The following UBE2F variants were observed in gnomAD, a reference collection of about 807,000 sequenced individuals.
UBE2F encodes NEDD8-conjugating enzyme UBE2F.
In UBE2F, 5 loss-of-function variants were observed where a neutral mutation model predicts 29.6. That is an observed-to-expected ratio of 0.17 (90% CI 0.09 to 0.36). UBE2F has a LOEUF of 0.36. Ranked by LOEUF, UBE2F falls within the 10% of genes least tolerant of loss-of-function variation. The pLI is 1.00. For synonymous variants in UBE2F, 66 were observed against 81.8 expected (o/e 0.81, Z 1.04); for missense variants, 141 against 228.5 (o/e 0.62, Z 2.47).
At chr2:237,990,221 G>A (rs80351960) in intron 3 of UBE2F, among the ~76,000 whole-genome samples, 1 of 150,042 alleles carries the variant, frequency 6.7e-6, no homozygotes, top group Non-Finnish European at 1.5e-5. Context: ...AAATAACTGT[G>A]GGGGGGCAGG....
intron 4 of UBE2F, among the ~76,000 whole-genome samples, chr2:237,998,755 T>A (rs2063735608): frequency 1.3e-5 from 2 of 152,180 alleles, no homozygotes; most frequent in African/African-American, 4.8e-5. Flanking sequence ...TGCCATACCC[T>A]GACCAGCACT....
intron 4 of UBE2F, among the ~76,000 whole-genome samples, chr2:237,999,114 G>T (rs1016263052): frequency 1.3e-5 from 2 of 151,384 alleles, no homozygotes; most frequent in Admixed American, 1.3e-4. Context: ...ACAGAGTCTC[G>T]CTCTGTCACC....
chr2:237,973,635 C>T (rs2063216715), intron 2 of UBE2F: 1 of 1,290,410 alleles, frequency 7.7e-7, no homozygotes, highest in Non-Finnish European at 1.0e-6. Flanking sequence ...AGGATCTTTT[C>T]CTGTTTTATT....
intron 1 of UBE2F, among the ~76,000 whole-genome samples, chr2:237,971,573 C>T (rs1407318122): frequency 1.3e-5 from 2 of 152,192 alleles, no homozygotes; most frequent in Admixed American, 6.5e-5. Flanking sequence ...CCACCTGTCT[C>T]GTTCCCCTAA....
chr2:237,983,620 G>C (rs895912663), intron 2 of UBE2F, among the ~76,000 whole-genome samples: 1 of 152,064 alleles, frequency 6.6e-6, no homozygotes, highest in Non-Finnish European at 1.5e-5. Context: ...GGCCTCCATT[G>C]CCCCTTCCCG....
chr2:237,973,022 C>T, intron 1 of UBE2F, 70 bp from the exon 2 acceptor site: 1 of 1,484,322 alleles, frequency 6.7e-7, no homozygotes, highest in Non-Finnish European at 9.0e-7. Flanking sequence ...AGCACTTATA[C>T]ATTTTTCTCA....
chr2:238,019,431 G>A (rs576190519), intron 5 of UBE2F, among the ~76,000 whole-genome samples: 3 of 151,898 alleles, frequency 2.0e-5, no homozygotes, highest in South Asian at 4.2e-4. Context: ...AGGCTAGCAC[G>A]ATTTCAGCTC....
At chr2:237,999,686 T>C (rs1349704967) in intron 4 of UBE2F, among the ~76,000 whole-genome samples, 1 of 152,090 alleles carries the variant, frequency 6.6e-6, no homozygotes, top group African/African-American at 2.4e-5. Flanking sequence ...ATATGTGTAG[T>C]TCTGCTTTTT....
At chr2:238,002,212 G>GCGC (rs1243859227) in intron 4 of UBE2F, among the ~76,000 whole-genome samples, 1 of 148,846 alleles carries the variant, frequency 6.7e-6, no homozygotes, top group Non-Finnish European at 1.5e-5. Context: ...TTACAGGCAT[G>GCGC]CGCCACCACA....
intron 1 of UBE2F, among the ~76,000 whole-genome samples, chr2:237,970,830 C>T (rs992817872): frequency 1.3e-5 from 2 of 152,200 alleles, no homozygotes; most frequent in African/African-American, 4.8e-5. Flanking sequence ...GCCTCAGCCT[C>T]CTGAGTAGCT....
intron 2 of UBE2F, among the ~76,000 whole-genome samples, chr2:237,974,074 A>G (rs949392450): frequency 6.6e-6 from 1 of 151,802 alleles, no homozygotes. Flanking sequence ...GCTCACTGCA[A>G]CCTCCACCTC....
intron 4 of UBE2F, among the ~76,000 whole-genome samples, chr2:237,995,566 G>A (rs972604950): frequency 6.6e-5 from 10 of 152,122 alleles, no homozygotes; most frequent in African/African-American, 2.4e-4. Context: ...TTTTATTTGG[G>A]GGATGGAAAG....
intron 3 of UBE2F, among the ~76,000 whole-genome samples, chr2:237,991,652 G>T (rs1234452989): frequency 1.0e-5 from 1 of 100,428 alleles, no homozygotes; most frequent in Non-Finnish European, 1.9e-5. Flanking sequence ...ACCCAGGCTG[G>T]AATGCAGTGG....
intron 4 of UBE2F, among the ~76,000 whole-genome samples, chr2:238,004,795 G>A (rs1347404922): frequency 6.6e-6 from 1 of 152,186 alleles, no homozygotes; most frequent in Non-Finnish European, 1.5e-5. Flanking sequence ...AGTGGAAAGG[G>A]AGAGAGAAGC....
At chr2:238,038,890 A>G (rs1487619306) in intron 9 of UBE2F, among the ~76,000 whole-genome samples, 1 of 152,256 alleles carries the variant, frequency 6.6e-6, no homozygotes, top group Non-Finnish European at 1.5e-5. Flanking sequence ...TGGGAATGAC[A>G]GTCCTTGTCC....
intron 9 of UBE2F, among the ~76,000 whole-genome samples, chr2:238,038,705 C>A (rs1236014500): frequency 6.6e-6 from 1 of 152,242 alleles, no homozygotes; most frequent in African/African-American, 2.4e-5. Context: ...GACCTAAAAT[C>A]TCCAAACAGT....
intron 2 of UBE2F, among the ~76,000 whole-genome samples, chr2:237,978,314 G>A (rs1430008940): frequency 6.6e-6 from 1 of 152,208 alleles, no homozygotes; most frequent in Non-Finnish European, 1.5e-5. Context: ...GCTCACCTGT[G>A]ATGTGGGCTC....
rs137929775 is a variant in UBE2F at position 238,024,670 on chromosome 2, C to T, written c.283-672C>T. Among the ~76,000 whole-genome samples, 908 of 152,160 alleles carry T rather than the reference C, an allele frequency of 6.0e-3. 17 individuals are homozygous for T. The highest frequency in any genetic ancestry group is 0.021 in the African/African-American group (856 of 41,484). On this transcript the variant is annotated intron_variant, in intron 5 of 9. Transcript: ENST00000272930. ...TATATTTTCTTCTTTTAGGTGGCCTCCCAAAGTGAGCCACCATGCCCAAAC... is the reference window on the plus strand; with the variant it reads ...TATATTTTCTTCTTTTAGGTGGCCTTCCAAAGTGAGCCACCATGCCCAAAC...
chr2:237,993,198 G>T (rs2106350686), intron 3 of UBE2F, among the ~76,000 whole-genome samples: 1 of 152,114 alleles, frequency 6.6e-6, no homozygotes, highest in South Asian at 2.1e-4. Context: ...ACGTTGGCCA[G>T]GCTGGTCTCA....
Sources: gnomAD v4.1 joint callset for allele counts (sites outside exome capture counted in the v4.1 genomes callset) on GRCh38, gnomAD v4.1.1 for gene constraint, MANE v1.5 for transcripts, NCBI Gene and HGNC (gene_info 2026-07-23, HGNC 2026-07-21) for gene names.